ITPR3: variants seen among roughly 807,000 people sequenced by gnomAD.
The protein encoded by ITPR3 is inositol 1,4,5-trisphosphate-gated calcium channel ITPR3.
Under a neutral mutation model 293.2 loss-of-function variants are expected in ITPR3, and 173 were observed. The observed-to-expected ratio is 0.59, with a 90% CI of 0.52 to 0.67. The LOEUF is 0.67. Among genes scored for constraint, ITPR3 ranks in the 30% least tolerant of loss-of-function variants. ITPR3 has a pLI of 0.00. For missense variants in ITPR3, 2,796 were observed against 3,592.1 expected, an observed-to-expected ratio of 0.78 and a Z score of 5.66; for synonymous variants, 1,295 against 1,444.4, an observed-to-expected ratio of 0.90 and a Z score of 2.35.
At chr6:33,695,329 GTC>G in intron 57 of ITPR3, 1 of 571,834 alleles carries the variant, frequency 1.7e-6, no homozygotes, top group South Asian at 2.2e-5. Context: ...GGGGCCCTCT[GTC>G]TCTCATCCCC....
In ITPR3 at chr6:33,671,277, C is replaced by T; in HGVS notation, c.2699C>T (p.Ala900Val). Reference sequence around the variant, plus strand: ...ATCGACTGTGTGCAGGGGCCCCCGGCCATGCTGCAGGCCTATGAGGACCCC... The same window carrying T: ...ATCGACTGTGTGCAGGGGCCCCCGGTCATGCTGCAGGCCTATGAGGACCCC... ...GIIDCVQGPP[A>V]MLQAYEDPGG... Residue 900 changes from alanine to valine, a missense_variant, in exon 21 of 58, where the codon GCC (alanine) becomes GTC (valine). Physicochemically the swap from Ala to Val is moderately conservative, Grantham distance 64 (BLOSUM62 0). Transcript: ENST00000605930. 6.2e-7 allele frequency: 1 copy of T among 1,613,440 alleles called. No homozygotes were observed. Among genetic ancestry groups the T allele is most frequent in the South Asian group, 1.1e-5 (1 of 91,076 alleles).
At chr6:33,646,514 G>GT (rs1764070502) in intron 2 of ITPR3, among the ~76,000 whole-genome samples, 1 of 151,714 alleles carries the variant, frequency 6.6e-6, no homozygotes, top group Non-Finnish European at 1.5e-5. Context: ...ACACTATTCT[G>GT]TTTTTTTGCT....
At position 33,687,435 on chromosome 6, in the gene ITPR3, C is replaced by G. The variant is rs1458447336; in HGVS notation, c.6178-43C>G. On this transcript the variant is annotated intron_variant, in intron 45 of 57. Transcript: ENST00000605930. The surrounding 1 kb of genome is among the most constrained non-coding windows in gnomAD (Gnocchi z 5.3). The stretch of plus-strand genomic sequence containing the variant: ...TTGTCGCCCCCCAGCCACCATGTCC[C>G]CCAGCCACCACACCCTGGTGACTGT... 6.4e-7 allele frequency: 1 copy of G among 1,573,562 alleles called. No homozygotes were observed. The highest frequency in any genetic ancestry group is 1.8e-5 in the Admixed American group (1 of 56,020).
intron 49 of ITPR3, 94 bp downstream of exon 49, chr6:33,688,875 G>T: frequency 6.5e-7 from 1 of 1,535,668 alleles, no homozygotes; most frequent in Non-Finnish European, 9.0e-7. Flanking sequence ...GGCCTCTGAG[G>T]GCACCAGATG....
At chr6:33,626,827 G>C (rs1182460130) in intron 1 of ITPR3, among the ~76,000 whole-genome samples, 2 of 152,148 alleles carry the variant, frequency 1.3e-5, no homozygotes, top group Admixed American at 1.3e-4. Flanking sequence ...TTTTTTTGGA[G>C]AGAGTTTTGC....
chr6:33,662,016 A>AAAAAAAAAAAAAAAAAAC (rs1195798519), intron 7 of ITPR3, among the ~76,000 whole-genome samples: 1 of 147,454 alleles, frequency 6.8e-6, no homozygotes, highest in Non-Finnish European at 1.5e-5. Context: ...AAAAAAAAAA[A>AAAAAAAAAAAAAAAAAAC]AGACAGGATC....
Position 33,621,521 on chromosome 6 carries a change from C to A in ITPR3, c.-82C>A. ...TGGGAGCGTACCCCTCCCCGCTCCC[C>A]GGACGCCTCAGTCCTCCGCACTGAG... On this transcript the variant is annotated 5_prime_UTR_variant, in exon 1 of 58. Coordinates refer to ENST00000605930, the MANE Select transcript of ITPR3 (RefSeq NM_002224.4). The surrounding 1 kb of genome is among the most constrained non-coding windows in gnomAD (Gnocchi z 7.7). The A allele has an allele frequency of 1.0e-6, 1 of 970,112 alleles. No individual in the cohort carries two copies. Among genetic ancestry groups the A allele is most frequent in the Non-Finnish European group, 1.6e-6 (1 of 630,378 alleles). The allele number at this position is 970,112 out of a possible 1,614,324, so 60.1% of individuals were successfully genotyped here. A position where few individuals can be genotyped will look rare whatever the true frequency, so the allele number is the denominator to read the frequency against.
intron 2 of ITPR3, among the ~76,000 whole-genome samples, chr6:33,647,344 T>C (rs1281032623): frequency 6.6e-6 from 1 of 152,300 alleles, no homozygotes; most frequent in East Asian, 1.9e-4. Context: ...TTATTTTTAA[T>C]TGTGGTAAGA....
In ITPR3 at chr6:33,696,114, G is replaced by C; in HGVS notation, c.*334G>C. The C allele has an allele frequency of 3.3e-6, 1 of 302,912 alleles. No individual in the cohort carries two copies. The highest frequency in any genetic ancestry group is 5.9e-5 in the South Asian group (1 of 16,830). The allele number at this position is 302,912 out of a possible 1,614,324, so 18.8% of individuals were successfully genotyped here. A position where few individuals can be genotyped will look rare whatever the true frequency, so the allele number is the denominator to read the frequency against. Reference sequence around the variant, plus strand: ...TGTAGTCCTCCTTGTGGGTAGTTAAGAGTGGGGTCACCCCTTTAACTCCAA... The same window carrying C: ...TGTAGTCCTCCTTGTGGGTAGTTAACAGTGGGGTCACCCCTTTAACTCCAA... On this transcript the variant is annotated 3_prime_UTR_variant, in exon 58 of 58. Transcript: ENST00000605930.
chr6:33,632,841 C>T lies in ITPR3; in HGVS notation c.90-7643C>T, dbSNP rs1054496284. ...CACAGGTGTAGACAGGGCTCCTGTC[C>T]TCGGCACTCAGCGTGGTCGCAGGAG... On this transcript the variant is annotated intron_variant, in intron 1 of 57. Coordinates refer to ENST00000605930, the MANE Select transcript of ITPR3 (RefSeq NM_002224.4). The surrounding 1 kb of genome is among the most constrained non-coding windows in gnomAD (Gnocchi z 4.1). Among the ~76,000 whole-genome samples, 2 of 152,246 alleles carry T rather than the reference C, an allele frequency of 1.3e-5. No homozygotes were observed. Among genetic ancestry groups the T allele is most frequent in the African/African-American group, 2.4e-5 (1 of 41,472 alleles).
rs548138011 is a variant in ITPR3, at chr6:33,696,053, G to A, written c.*273G>A. ...TAGCAGAAGATAAATCCTACCTAGA[G>A]ACCTTTGTTCCTTAAAGCAATAACT... On this transcript the variant is annotated 3_prime_UTR_variant, in exon 58 of 58. Coordinates refer to ENST00000605930, the MANE Select transcript of ITPR3 (RefSeq NM_002224.4). The A allele has an allele frequency of 4.0e-4, 192 of 477,972 alleles. 1 individual carries two copies. The highest frequency in any genetic ancestry group is 6.8e-4 in the Non-Finnish European group (182 of 265,698). The allele number at this position is 477,972 out of a possible 1,614,324, so 29.6% of individuals were successfully genotyped here. A position where few individuals can be genotyped will look rare whatever the true frequency, so the allele number is the denominator to read the frequency against.
chr6:33,684,387 G>A lies in ITPR3; in HGVS notation c.4968G>A (p.Glu1656=). 6.2e-7 allele frequency: 1 copy of A among 1,614,092 alleles called. No individual in the cohort carries two copies. The highest frequency in any genetic ancestry group is 8.5e-7 in the Non-Finnish European group (1 of 1,180,000). ...KLIQHTKDLM[E]SEEKLCIKVL... is the part of the protein sequence containing the mutation. ...TCCAGCACACCAAGGACCTCATGGAGTCGGAGGAGAAGCTGTGCATCAAGG... is the reference window on the plus strand; with the variant it reads ...TCCAGCACACCAAGGACCTCATGGAATCGGAGGAGAAGCTGTGCATCAAGG... Residue 1656 remains glutamate, a synonymous_variant, in exon 37 of 58, where the codon GAG becomes GAA. Transcript: ENST00000605930. The surrounding 1 kb of genome is among the most constrained non-coding windows in gnomAD (Gnocchi z 4.2).
In ITPR3 at chr6:33,664,908, C is replaced by T. The variant is rs1354803152; in HGVS notation, c.1187C>T (p.Thr396Met). The change falls in exon 12 of 58, where the codon ACG (threonine) becomes ATG (methionine). Residue 396 changes from threonine to methionine, a missense_variant. By Grantham distance (81) the Thr-to-Met change is moderately conservative (BLOSUM62 -1). This residue lies in a region of ITPR3 where 955 missense variants were observed against 1,180.8 expected (regional missense o/e 0.81). Transcript: ENST00000605930. This position sits in a 1 kb window ranked among gnomAD's most constrained non-coding sequence, Gnocchi z 4.4. ...YVRLRHLCTNTWIQSTNVPID... is the reference protein window; with the variant it reads ...YVRLRHLCTNMWIQSTNVPID... ...CGGCTGCGGCACCTCTGCACCAACA[C>T]GTGGATTCAGAGCACCAATGTGCCC... The T allele has an allele frequency of 3.1e-6, 5 of 1,594,024 alleles. No individual in the cohort carries two copies. The highest frequency in any genetic ancestry group is 3.4e-5 in the Admixed American group (2 of 59,162).
At chr6:33,688,630 C>T (rs1297635899) in intron 48 of ITPR3, 26 bp from the exon 49 acceptor site, 2 of 1,613,220 alleles carry the variant, frequency 1.2e-6, no homozygotes, top group African/African-American at 1.3e-5. Flanking sequence ...GGCCCTCCAG[C>T]AGCTCACCGT....
intron 56 of ITPR3, chr6:33,694,344 C>T (rs1405373114): frequency 3.6e-5 from 6 of 164,634 alleles, no homozygotes; most frequent in Admixed American, 6.3e-5. Context: ...ACAGGTTTAT[C>T]TGTTGGTCTG....
chr6:33,670,982 G>T lies in ITPR3; in HGVS notation c.2586+167G>T. 2 of 783,642 alleles carry T rather than the reference G, an allele frequency of 2.6e-6. No individual in the cohort carries two copies. The highest frequency in any genetic ancestry group is 1.5e-6 in the Non-Finnish European group (1 of 645,980). 48.5% of individuals were successfully genotyped at this position (783,642 alleles called of 1,614,324 possible). A position where few individuals can be genotyped will look rare whatever the true frequency, so the allele number is the denominator to read the frequency against. ...ATAGAAGGCTGGGATTCTCCAAGAG[G>T]CAGGCTCCTGTTCCAATGCCTGGGA... is the stretch of plus-strand genomic sequence containing the variant. On this transcript the variant is annotated intron_variant, in intron 20 of 57. Coordinates refer to ENST00000605930, the MANE Select transcript of ITPR3 (RefSeq NM_002224.4). The surrounding 1 kb of genome is among the most constrained non-coding windows in gnomAD (Gnocchi z 6.7).
rs1763711429 is a variant in ITPR3, at chr6:33,632,729, CAGTGGATGG to C, written c.90-7753_90-7745del. Among the ~76,000 whole-genome samples, 1 of 152,264 alleles carries C rather than the reference CAGTGGATGG, an allele frequency of 6.6e-6. No individual in the cohort carries two copies. The highest frequency in any genetic ancestry group is 6.5e-5 in the Admixed American group (1 of 15,294). On this transcript the variant is annotated intron_variant, in intron 1 of 57. Transcript: ENST00000605930. This position sits in a 1 kb window ranked among gnomAD's most constrained non-coding sequence, Gnocchi z 4.1. ...CTGTTCAGACTGGTCTTGTGCCTCC[CAGTGGATGG>C]AAGGCGCACTGCAGGGACTGTTGTC... is the stretch of plus-strand genomic sequence containing the variant.
rs530635891 is a variant in ITPR3, at chr6:33,684,672, C to G, written c.5121C>G (p.Pro1707=). Residue 1707 remains proline, a synonymous_variant, in exon 38 of 58, where the codon CCC becomes CCG. Coordinates refer to ENST00000605930, the MANE Select transcript of ITPR3 (RefSeq NM_002224.4). This position sits in a 1 kb window ranked among gnomAD's most constrained non-coding sequence, Gnocchi z 4.2. ...NRKSTSRGDL[P]DPIGTGLDPD... is the part of the protein sequence containing the mutation. ...AGTCCACCTCGCGGGGGGACCTTCC[C>G]GACCCCATAGGCACTGGTCAGTATC... The G allele has an allele frequency of 2.5e-6, 4 of 1,614,052 alleles. No individual in the cohort carries two copies. The highest frequency in any genetic ancestry group is 3.4e-6 in the Non-Finnish European group (4 of 1,180,022).
chr6:33,643,761 G>C (rs1160264970), intron 2 of ITPR3, among the ~76,000 whole-genome samples: 1 of 152,044 alleles, frequency 6.6e-6, no homozygotes, highest in East Asian at 1.9e-4. Flanking sequence ...CCAGGGAGGA[G>C]AGTGATGAGG....
Sources: gnomAD v4.1 joint callset for allele counts (sites outside exome capture counted in the v4.1 genomes callset) on GRCh38, gnomAD v4.1.1 for gene constraint, gnomAD v4.1.1 regional missense constraint, Gnocchi (gnomAD v3.1) non-coding constraint, MANE v1.5 for transcripts, NCBI Gene and HGNC (gene_info 2026-07-23, HGNC 2026-07-21) for gene names.